SPATA7: variants seen among roughly 807,000 people sequenced by gnomAD.
The protein encoded by SPATA7 is spermatogenesis-associated protein 7.
SPATA7 carries 43 observed loss-of-function variants against 51.8 expected under a neutral mutation model. That is an observed-to-expected ratio of 0.83 (90% CI 0.65 to 1.07). The LOEUF (loss-of-function observed/expected upper bound fraction) is 1.07. Among genes scored for constraint, SPATA7 ranks in the 50% least tolerant of loss-of-function variants. The pLI is 0.00. For synonymous variants in SPATA7, 230 were observed against 252.8 expected (o/e 0.91, Z 0.86); for missense variants, 683 against 701.3 (o/e 0.97, Z 0.30).
intron 4 of SPATA7, among the ~76,000 whole-genome samples, chr14:88,410,353 T>G (rs1462380245): frequency 6.6e-6 from 1 of 152,206 alleles, no homozygotes; most frequent in Non-Finnish European, 1.5e-5. Flanking sequence ...ATGCCCTTCT[T>G]TGTCTTTTTT....
At chr14:88,389,579 G>T (rs1312049457) in intron 1 of SPATA7, among the ~76,000 whole-genome samples, 1 of 152,108 alleles carries the variant, frequency 6.6e-6, no homozygotes, top group South Asian at 2.1e-4. Context: ...CTTGGTGTAC[G>T]TCTGATGGTA....
chr14:88,453,056 C>T (rs1388521029), intron 3 of SPATA7, among the ~76,000 whole-genome samples: 1 of 152,184 alleles, frequency 6.6e-6, no homozygotes, highest in African/African-American at 2.4e-5. Flanking sequence ...CCCTCCTACC[C>T]CAACTCTGTG....
intron 4 of SPATA7, among the ~76,000 whole-genome samples, chr14:88,397,643 G>GAAA (rs762638350): frequency 2.8e-5 from 2 of 70,786 alleles, no homozygotes; most frequent in African/African-American, 1.1e-4. Context: ...GCTGTCTCAA[G>GAAA]AAAAAAAAAA....
At chr14:88,427,602 A>G (rs1364679635) in intron 6 of SPATA7, 28 bp from the exon 7 acceptor site, 1 of 1,494,364 alleles carries the variant, frequency 6.7e-7, no homozygotes, top group South Asian at 1.2e-5. Context: ...TTGAAGGATT[A>G]ACAATTATTT....
intron 4 of SPATA7, chr14:88,416,148 A>G (rs1442704806): frequency 6.6e-6 from 1 of 152,642 alleles, no homozygotes; most frequent in Admixed American, 6.5e-5. Context: ...TTACCTTATA[A>G]ATTACCCAGT....
chr14:88,463,346 A>C (rs1317885178), intron 4 of SPATA7, among the ~76,000 whole-genome samples: 1 of 152,168 alleles, frequency 6.6e-6, no homozygotes, highest in African/African-American at 2.4e-5. Flanking sequence ...TTCCTTACCC[A>C]TGCACAGCTC....
intron 11 of SPATA7, 68 bp downstream of exon 11, chr14:88,437,665 A>G: frequency 7.1e-7 from 1 of 1,416,316 alleles, no homozygotes; most frequent in African/African-American, 1.4e-5. Flanking sequence ...TTTTTTTCAT[A>G]CCTTCAAACA....
chr14:88,387,995 G>T (rs2075629557), intron 1 of SPATA7, among the ~76,000 whole-genome samples: 1 of 152,164 alleles, frequency 6.6e-6, no homozygotes. Flanking sequence ...GAGGTCAGGA[G>T]TTTGAGACCA....
At chr14:88,443,244 A>G (rs1376822696), downstream of SPATA7, among the ~76,000 whole-genome samples, 1 of 151,962 alleles carries the variant, frequency 6.6e-6, no homozygotes, top group African/African-American at 2.4e-5. Context: ...TGCCCAGCCT[A>G]TTTTTGTTGG....
At chr14:88,448,358 G>A (rs1003526584) in intron 3 of SPATA7, among the ~76,000 whole-genome samples, 1 of 152,098 alleles carries the variant, frequency 6.6e-6, no homozygotes, top group Non-Finnish European at 1.5e-5. Context: ...GTACTTCTCT[G>A]TATTGGTTAT....
downstream of SPATA7, among the ~76,000 whole-genome samples, chr14:88,442,802 A>G (rs963507254): frequency 6.6e-6 from 1 of 152,106 alleles, no homozygotes; most frequent in African/African-American, 2.4e-5. Flanking sequence ...TCATGGCTTC[A>G]TAGAATGATT....
rs1355540333 is a variant in SPATA7, at chr14:88,469,245, C to T, written c.255-602C>T. ...GGACAGTGTGACCCTGAGCAAGTCA[C>T]TACCTCTGTCCACTTTCTGATCTAC... On this transcript the variant is annotated intron_variant, in intron 4 of 4. Transcript: ENST00000556406. This position sits in a 1 kb window ranked among gnomAD's most constrained non-coding sequence, Gnocchi z 4.3. Among the ~76,000 whole-genome samples the T allele has an allele frequency of 6.6e-6, 1 of 152,178 alleles. No individual in the cohort carries two copies. Among genetic ancestry groups the T allele is most frequent in the Non-Finnish European group, 1.5e-5 (1 of 68,038 alleles).
At chr14:88,461,272 G>A (rs1475178744) in intron 4 of SPATA7, among the ~76,000 whole-genome samples, 1 of 152,202 alleles carries the variant, frequency 6.6e-6, no homozygotes, top group Non-Finnish European at 1.5e-5. Flanking sequence ...AGAGGTTTCT[G>A]CTGCCTTTTG....
chr14:88,417,557 C>T (rs1035867861), intron 5 of SPATA7, among the ~76,000 whole-genome samples: 7 of 152,056 alleles, frequency 4.6e-5, no homozygotes, highest in Admixed American at 6.6e-5. Context: ...CTGCCCACCT[C>T]GGCCTCCCAA....
intron 3 of SPATA7, among the ~76,000 whole-genome samples, chr14:88,454,747 G>A (rs1460911533): frequency 6.6e-6 from 1 of 152,052 alleles, no homozygotes; most frequent in Non-Finnish European, 1.5e-5. Context: ...GATGGAAGCT[G>A]CAGTGAGTTG....
At chr14:88,456,823 G>T (rs577172211), downstream of SPATA7, among the ~76,000 whole-genome samples, 1 of 152,294 alleles carries the variant, frequency 6.6e-6, no homozygotes, top group Admixed American at 6.5e-5. Context: ...GAAAGGTATT[G>T]CCTAGGTTTT....
chr14:88,427,964 G>T (rs1045184135), intron 7 of SPATA7: 1 of 357,448 alleles, frequency 2.8e-6, no homozygotes, highest in East Asian at 5.1e-5. Context: ...CAAATGGAAG[G>T]ATCAGTAAAA....
chr14:88,438,560 C>A, downstream of SPATA7: 1 of 756,080 alleles, frequency 1.3e-6, no homozygotes, highest in Admixed American at 2.1e-5. Context: ...GCCTAATGTG[C>A]CACACATTTA....
intron 4 of SPATA7, among the ~76,000 whole-genome samples, chr14:88,396,958 C>T (rs2075901184): frequency 6.6e-6 from 1 of 151,702 alleles, no homozygotes; most frequent in African/African-American, 2.4e-5. Flanking sequence ...CTGTAACCTC[C>T]ACCTCCTGGG....
Sources: allele counts gnomAD v4.1 joint callset (sites outside exome capture counted in the v4.1 genomes callset), GRCh38; gene constraint gnomAD v4.1.1; non-coding constraint Gnocchi (gnomAD v3.1); transcripts MANE v1.5; gene names NCBI Gene and HGNC (gene_info 2026-07-23, HGNC 2026-07-21).